EYS: variants seen among roughly 807,000 people sequenced by gnomAD.
The protein encoded by EYS is protein eyes shut homolog.
A neutral mutation model predicts 282.1 loss-of-function variants in EYS; 250 were observed. The ratio of observed to expected loss-of-function variants is 0.89; its 90% CI spans 0.80 to 0.98. The LOEUF (loss-of-function observed/expected upper bound fraction) is 0.98, where lower values mean the gene tolerates loss of function less well. Ranked by LOEUF, EYS falls within the 50% of genes least tolerant of loss-of-function variation. The pLI is 0.00. For missense variants in EYS, 4,016 were observed against 3,709.0 expected, an observed-to-expected ratio of 1.08 and a Z score of -2.15; for synonymous variants, 1,355 against 1,282.9, an observed-to-expected ratio of 1.06 and a Z score of -1.20.
At chr6:65,266,339 C>G (rs1767751873) in intron 12 of EYS, among the ~76,000 whole-genome samples, 1 of 151,758 alleles carries the variant, frequency 6.6e-6, no homozygotes, top group African/African-American at 2.4e-5. Flanking sequence ...GATTCTGAAA[C>G]AGTGAAAGAG....
intron 26 of EYS, among the ~76,000 whole-genome samples, chr6:64,579,078 T>G (rs972459579): frequency 1.3e-5 from 2 of 152,104 alleles, no homozygotes; most frequent in African/African-American, 2.4e-5. Context: ...CTTCTCCTCA[T>G]TCGCAGAATT....
chr6:64,643,572 ATCC>A (rs1768247469), intron 22 of EYS, among the ~76,000 whole-genome samples: 1 of 152,000 alleles, frequency 6.6e-6, no homozygotes, highest in African/African-American at 2.4e-5. Context: ...CCCACCACAT[ATCC>A]CCTGATACGG....
At chr6:65,269,931 C>T (rs921335580) in intron 12 of EYS, among the ~76,000 whole-genome samples, 1 of 152,130 alleles carries the variant, frequency 6.6e-6, no homozygotes, top group Non-Finnish European at 1.5e-5. Flanking sequence ...ACTTTCTATT[C>T]TTCCCCCCAA....
intron 13 of EYS, among the ~76,000 whole-genome samples, chr6:65,031,100 A>AAC (rs1772588062): frequency 6.7e-6 from 1 of 150,284 alleles, no homozygotes; most frequent in African/African-American, 2.4e-5. Flanking sequence ...AACCATTCTA[A>AAC]ACACACACAC....
At chr6:64,361,211 G>GT (rs140584034) in intron 29 of EYS, among the ~76,000 whole-genome samples, 106,973 of 150,094 alleles carry the variant, frequency 0.71, 38,228 homozygotes, top group African/African-American at 0.77. Flanking sequence ...AGAAAATATG[G>GT]TTTTTTTTTG....
At chr6:64,149,551 A>G (rs912523547) in intron 31 of EYS, among the ~76,000 whole-genome samples, 1 of 152,208 alleles carries the variant, frequency 6.6e-6, no homozygotes, top group Non-Finnish European at 1.5e-5. Flanking sequence ...AAGATGCCAA[A>G]TAGCAGCAGC....
chr6:63,973,723 G>A (rs1766699335), intron 35 of EYS, among the ~76,000 whole-genome samples: 1 of 152,070 alleles, frequency 6.6e-6, no homozygotes, highest in Non-Finnish European at 1.5e-5. Context: ...GGTAGTATCT[G>A]GACGGTACTT....
intron 22 of EYS, among the ~76,000 whole-genome samples, chr6:64,674,220 A>C (rs1354097368): frequency 6.6e-6 from 1 of 152,092 alleles, no homozygotes; most frequent in South Asian, 2.1e-4. Context: ...AGCAGTACAA[A>C]TATCCTTGGA....
chr6:65,290,224 A>T (rs957150243), intron 12 of EYS, among the ~76,000 whole-genome samples: 1 of 151,118 alleles, frequency 6.6e-6, no homozygotes, highest in African/African-American at 2.4e-5. Flanking sequence ...AAGTTTAGTA[A>T]AGATGGAGAA....
chr6:65,504,501 T>G (rs1035205786), intron 2 of EYS, among the ~76,000 whole-genome samples: 1 of 151,788 alleles, frequency 6.6e-6, no homozygotes, highest in African/African-American at 2.4e-5. Flanking sequence ...AAAGTATCCA[T>G]TTTTCTACAC....
At chr6:64,741,004 C>T (rs768334363) in intron 22 of EYS, among the ~76,000 whole-genome samples, 70 of 152,238 alleles carry the variant, frequency 4.6e-4, no homozygotes, top group South Asian at 2.3e-3. Flanking sequence ...TGAGCCACCG[C>T]GCCTGGCCAT....
intron 35 of EYS, among the ~76,000 whole-genome samples, chr6:63,947,196 C>T (rs1765424770): frequency 6.6e-6 from 1 of 151,900 alleles, no homozygotes. Flanking sequence ...GAGAGTTTGC[C>T]TGTAGAGTGA....
At chr6:63,805,533 G>T (rs1770883006) in intron 37 of EYS, among the ~76,000 whole-genome samples, 1 of 152,158 alleles carries the variant, frequency 6.6e-6, no homozygotes, top group Admixed American at 6.5e-5. Flanking sequence ...TACTTCCCAT[G>T]TGACTTGGTC....
At chr6:63,915,887 T>C (rs1581972481) in intron 35 of EYS, among the ~76,000 whole-genome samples, 1 of 152,322 alleles carries the variant, frequency 6.6e-6, no homozygotes, top group East Asian at 1.9e-4. Context: ...TTGCTTCTTA[T>C]GAATGAGCAA....
intron 19 of EYS, among the ~76,000 whole-genome samples, chr6:64,843,294 G>T (rs777920336): frequency 2.6e-5 from 4 of 152,128 alleles, no homozygotes; most frequent in African/African-American, 4.8e-5. Context: ...TGTGAGAAGA[G>T]GGCCACTGTC....
At chr6:64,736,439 T>C (rs1192829054) in intron 22 of EYS, among the ~76,000 whole-genome samples, 3 of 152,188 alleles carry the variant, frequency 2.0e-5, no homozygotes, top group Non-Finnish European at 4.4e-5. Context: ...TGTTAATTTC[T>C]TAAAACAGTC....
At chr6:65,081,089 G>C (rs1335576931) in intron 12 of EYS, among the ~76,000 whole-genome samples, 1 of 152,058 alleles carries the variant, frequency 6.6e-6, no homozygotes, top group East Asian at 1.9e-4. Flanking sequence ...AAGGCATAAT[G>C]TGGTAATTTC....
chr6:65,392,411 C>G (rs917800323), intron 7 of EYS, among the ~76,000 whole-genome samples: 3 of 152,136 alleles, frequency 2.0e-5, no homozygotes, highest in African/African-American at 7.2e-5. Context: ...AAAATTTTCG[C>G]AATCTACTCA....
intron 12 of EYS, among the ~76,000 whole-genome samples, chr6:65,065,797 A>G (rs1773727743): frequency 6.6e-6 from 1 of 152,194 alleles, no homozygotes; most frequent in Non-Finnish European, 1.5e-5. Context: ...GGCCTTGTAA[A>G]TTAATACGTT....
Sources: gnomAD v4.1 joint callset for allele counts (sites outside exome capture counted in the v4.1 genomes callset) on GRCh38, gnomAD v4.1.1 for gene constraint, MANE v1.5 for transcripts, NCBI Gene and HGNC (gene_info 2026-07-23, HGNC 2026-07-21) for gene names.